THUMPD2: variants seen among roughly 807,000 people sequenced by gnomAD.
The protein encoded by THUMPD2 is THUMP domain 2 tRNA and snRNA guanosine methyltransferase, also known as U6 snRNA (guanine-N(2))-methyltransferase THUMPD2.
Under a neutral mutation model 49.4 loss-of-function variants are expected in THUMPD2, and 56 were observed. The observed-to-expected ratio is 1.13, with a 90% CI of 0.91 to 1.41. The LOEUF (loss-of-function observed/expected upper bound fraction) is 1.41. THUMPD2 is among the 40% of genes most tolerant of loss of function. The probability of loss-of-function intolerance (pLI) is 0.00; values close to 1 mark genes in which losing one functional copy is unlikely to be tolerated. For missense variants in THUMPD2, 709 were observed against 594.5 expected, an observed-to-expected ratio of 1.19 and a Z score of -2.00; for synonymous variants, 237 against 205.2, an observed-to-expected ratio of 1.15 and a Z score of -1.32.
intron 8 of THUMPD2, among the ~76,000 whole-genome samples, chr2:39,754,631 T>C (rs970603922): frequency 1.6e-4 from 24 of 152,324 alleles, no homozygotes; most frequent in Non-Finnish European, 3.1e-4. Flanking sequence ...AAACAAGGAA[T>C]AGTTTTTAAA....
At chr2:39,757,431 A>C (rs1676289070) in intron 6 of THUMPD2, 1 of 1,300,844 alleles carries the variant, frequency 7.7e-7, no homozygotes, top group African/African-American at 1.5e-5. Context: ...CTAAATTTTA[A>C]AGAGAATATC....
Position 39,769,746 on chromosome 2 carries a change from G to A in THUMPD2, c.636C>T (p.Arg212=). The A allele has an allele frequency of 6.3e-7, 1 of 1,583,464 alleles. No homozygotes were observed. The highest frequency in any genetic ancestry group is 8.5e-7 in the Non-Finnish European group (1 of 1,170,116). Residue 212 remains arginine, a synonymous_variant, in exon 3 of 10, where the codon CGC becomes CGT. Transcript: ENST00000505747. ...AGGCCTTTCCAATAGTTCCACTGCA[G>A]CGACAAGATACTCTGAAAGTCAAGT... ...QNDLTFRVSC[R]CSGTIGKAFT... is the part of the protein sequence containing the mutation.
intron 3 of THUMPD2, chr2:39,768,925 G>C: frequency 7.7e-7 from 1 of 1,302,850 alleles, no homozygotes; most frequent in Non-Finnish European, 1.0e-6. Context: ...CTGATTTTAA[G>C]GTTGATAAAG....
chr2:39,748,466 G>C (rs1352057180), intron 8 of THUMPD2, among the ~76,000 whole-genome samples: 2 of 152,180 alleles, frequency 1.3e-5, no homozygotes, highest in African/African-American at 2.4e-5. Flanking sequence ...ACTTTGGGAG[G>C]CCAAGGCAGG....
chr2:39,761,157 T>C (rs911150088), intron 6 of THUMPD2, among the ~76,000 whole-genome samples, 174 bp downstream of exon 6: 23 of 151,954 alleles, frequency 1.5e-4, no homozygotes, highest in Admixed American at 6.6e-4. Context: ...TTCAATAATA[T>C]ATAAAAGCAT....
intron 6 of THUMPD2, among the ~76,000 whole-genome samples, chr2:39,756,660 G>C (rs1297782625): frequency 6.6e-6 from 1 of 152,038 alleles, no homozygotes; most frequent in Non-Finnish European, 1.5e-5. Flanking sequence ...AGGTGGTTAA[G>C]AACAAGATTC....
chr2:39,756,593 G>A (rs1434756447), intron 6 of THUMPD2, among the ~76,000 whole-genome samples: 1 of 152,134 alleles, frequency 6.6e-6, no homozygotes, highest in Non-Finnish European at 1.5e-5. Context: ...TGACTGGAGG[G>A]CCCCGTGGGG....
At chr2:39,775,002 G>C (rs1678878174) in intron 1 of THUMPD2, among the ~76,000 whole-genome samples, 1 of 152,192 alleles carries the variant, frequency 6.6e-6, no homozygotes. Flanking sequence ...AATCTAGGCT[G>C]AATGTGGTAG....
At chr2:39,769,430 G>C (rs563733324) in intron 3 of THUMPD2, 18 of 326,132 alleles carry the variant, frequency 5.5e-5, no homozygotes, top group South Asian at 4.5e-4. Flanking sequence ...GGCCAGGCAT[G>C]GTGGCTCCCG....
At chr2:39,764,850 TAGTGCTCATTCA>T (rs1158301603) in intron 5 of THUMPD2, among the ~76,000 whole-genome samples, 2 of 152,214 alleles carry the variant, frequency 1.3e-5, no homozygotes, top group African/African-American at 4.8e-5. Context: ...CATTTTCAAC[TAGTGCTCATTCA>T]AGGTCTCAGT....
intron 8 of THUMPD2, among the ~76,000 whole-genome samples, chr2:39,745,141 C>T (rs1416276483): frequency 6.6e-6 from 1 of 152,144 alleles, no homozygotes; most frequent in Non-Finnish European, 1.5e-5. Context: ...CCACTTTTTA[C>T]TTATTTTACT....
At chr2:39,755,460 T>A (rs1196237020) in intron 7 of THUMPD2, 51 bp from the exon 8 acceptor site, 1 of 1,250,882 alleles carries the variant, frequency 8.0e-7, no homozygotes, top group African/African-American at 1.6e-5. Flanking sequence ...ACATATTTCA[T>A]GTAGTTAAGA....
At chr2:39,738,660 AAAT>A (rs1673483419) in intron 9 of THUMPD2, among the ~76,000 whole-genome samples, 1 of 117,084 alleles carries the variant, frequency 8.5e-6, no homozygotes, top group East Asian at 3.2e-4. Context: ...ATATACATAT[AAAT>A]TATATGTATA....
Position 39,773,551 on chromosome 2 carries a change from A to ATTTAAAAATATATATATATTTATAT in THUMPD2, c.127-1936_127-1912dup, listed in dbSNP as rs67938550. On this transcript the variant is annotated intron_variant, in intron 1 of 9. Coordinates refer to ENST00000505747, the MANE Select transcript of THUMPD2 (RefSeq NM_025264.5). The stretch of plus-strand genomic sequence containing the variant: ...ACACATATATAAAATATATATTTAT[A>ATTTAAAAATATATATATATTTATAT]TTTAAAAATATATATATATTTATAT... Among the ~76,000 whole-genome samples, 552 of 127,934 alleles carry ATTTAAAAATATATATATATTTATAT rather than the reference A, an allele frequency of 4.3e-3. 8 individuals carry two copies. Among genetic ancestry groups the ATTTAAAAATATATATATATTTATAT allele is most frequent in the East Asian group, 8.7e-3 (38 of 4,346 alleles). 83.9% of individuals were successfully genotyped at this position (127,934 alleles called of 152,430 possible).
intron 1 of THUMPD2, among the ~76,000 whole-genome samples, chr2:39,775,441 G>A (rs1379960354): frequency 6.6e-6 from 1 of 152,090 alleles, no homozygotes; most frequent in African/African-American, 2.4e-5. Context: ...TATTTTAGAA[G>A]AAGGAATTCA....
intron 6 of THUMPD2, among the ~76,000 whole-genome samples, chr2:39,760,223 G>C (rs1432175339): frequency 6.6e-6 from 1 of 152,110 alleles, no homozygotes; most frequent in African/African-American, 2.4e-5. Context: ...GAGAGGAGAA[G>C]AGAAAAAAGT....
chr2:39,756,511 A>T (rs1175734547), intron 6 of THUMPD2, among the ~76,000 whole-genome samples: 1 of 151,502 alleles, frequency 6.6e-6, no homozygotes, highest in African/African-American at 2.4e-5. Flanking sequence ...GACTATAATG[A>T]TCGAACTTTT....
At chr2:39,749,367 T>C (rs1675076370) in intron 8 of THUMPD2, among the ~76,000 whole-genome samples, 1 of 152,246 alleles carries the variant, frequency 6.6e-6, no homozygotes, top group African/African-American at 2.4e-5. Flanking sequence ...CATTTAACTA[T>C]CTGCAAAGGT....
chr2:39,777,455 G>C (rs1679270421), intron 1 of THUMPD2, among the ~76,000 whole-genome samples: 1 of 152,180 alleles, frequency 6.6e-6, no homozygotes, highest in African/African-American at 2.4e-5. Context: ...TCAGAGACAA[G>C]TCCCAATTTT....
Sources: allele counts gnomAD v4.1 joint callset (sites outside exome capture counted in the v4.1 genomes callset), GRCh38; gene constraint gnomAD v4.1.1; transcripts MANE v1.5; gene names NCBI Gene and HGNC (gene_info 2026-07-23, HGNC 2026-07-21).